The following SIM2 variants were observed in gnomAD, a reference collection of about 807,000 sequenced individuals.
SIM2 encodes SIM bHLH transcription factor 2, also known as single-minded homolog 2.
In SIM2, 28 loss-of-function variants were observed where a neutral mutation model predicts 64.8. The ratio of observed to expected loss-of-function variants is 0.43; its 90% CI spans 0.32 to 0.59. SIM2 has a LOEUF of 0.59. Ranked by LOEUF, SIM2 falls within the 20% of genes least tolerant of loss-of-function variation. SIM2 has a pLI of 0.07. For missense variants in SIM2, 847 were observed against 871.4 expected (o/e 0.97, Z 0.35); for synonymous variants, 408 against 391.1 (o/e 1.04, Z -0.51).
intron 3 of SIM2, among the ~76,000 whole-genome samples, chr21:36,719,521 C>T (rs555184943): frequency 2.0e-5 from 3 of 152,298 alleles, no homozygotes; most frequent in East Asian, 1.9e-4. Flanking sequence ...AGCAGCGCCG[C>T]CCACCTCTGG....
At chr21:36,704,458 A>G (rs1375791611) in intron 1 of SIM2, among the ~76,000 whole-genome samples, 1 of 152,250 alleles carries the variant, frequency 6.6e-6, no homozygotes, top group Non-Finnish European at 1.5e-5. Flanking sequence ...CCAGGAGGGA[A>G]AGCCCGCAGG....
At position 36,727,404 on chromosome 21, in the gene SIM2, T is replaced by C. The variant is rs575227157; in HGVS notation, c.743+1086T>C. Among the ~76,000 whole-genome samples, 7 of 152,316 alleles carry C rather than the reference T, an allele frequency of 4.6e-5. No homozygotes were observed. The East Asian group carries it at 1.4e-3, about 29-fold the overall frequency. On this transcript the variant is annotated intron_variant, in intron 6 of 10. Transcript: ENST00000290399. ...GGTTTTCAGGGTTTTGTGGTGTTTG[T>C]GGGGTACATTGTGATGCTTTGACAC...
At chr21:36,723,447 A>G (rs939997415) in intron 5 of SIM2, among the ~76,000 whole-genome samples, 13 of 152,168 alleles carry the variant, frequency 8.5e-5, no homozygotes, top group African/African-American at 2.9e-4. Context: ...ATAGAGGCCC[A>G]TCCTCCTGGG....
Position 36,699,950 on chromosome 21 carries a change from G to T in SIM2, c.175+29G>T, listed in dbSNP as rs368498315. ...AGGCCTCAGGTGGGCGGCCGGGGAC[G>T]CTGGGGAGCCCGGCGGCCCCGGCCC... On this transcript the variant is annotated intron_variant, in intron 1 of 10. Transcript: ENST00000290399. The surrounding 1 kb of genome is among the most constrained non-coding windows in gnomAD (Gnocchi z 5.6). 8.6e-5 allele frequency: 135 copies of T among 1,560,776 alleles called. No homozygotes were observed. The African/African-American group carries it at 1.5e-3, about 17-fold the overall frequency.
intron 9 of SIM2, among the ~76,000 whole-genome samples, chr21:36,744,247 T>G (rs1473958933): frequency 7.1e-6 from 1 of 140,550 alleles, no homozygotes; most frequent in Non-Finnish European, 1.5e-5. Context: ...CTGTGCCAAG[T>G]GAACTTTGGT....
intron 3 of SIM2, among the ~76,000 whole-genome samples, chr21:36,718,981 A>G (rs2088782514): frequency 6.6e-6 from 1 of 152,126 alleles, no homozygotes; most frequent in Admixed American, 6.5e-5. Flanking sequence ...TATGATGGGT[A>G]TTTTCCTGGG....
intron 6 of SIM2, among the ~76,000 whole-genome samples, chr21:36,728,577 A>G (rs1218005589): frequency 1.3e-5 from 2 of 152,234 alleles, no homozygotes; most frequent in Non-Finnish European, 2.9e-5. Context: ...TGTTCCTGCC[A>G]TATCAGGAAA....
intron 1 of SIM2, among the ~76,000 whole-genome samples, chr21:36,702,844 T>A (rs1167980643): frequency 6.9e-6 from 1 of 145,536 alleles, no homozygotes; most frequent in Admixed American, 7.1e-5. Context: ...AGGTGAAAAA[T>A]ACCATGAGGA....
intron 7 of SIM2, among the ~76,000 whole-genome samples, chr21:36,740,009 GA>G (rs1361394697): frequency 1.5e-5 from 2 of 131,232 alleles, no homozygotes; most frequent in African/African-American, 6.1e-5. Flanking sequence ...GAAAGAAAGA[GA>G]GAAAGAAAGA....
At chr21:36,709,722 A>C (rs535591611) in intron 2 of SIM2, 2 of 319,814 alleles carry the variant, frequency 6.3e-6, no homozygotes, top group African/African-American at 4.5e-5. Flanking sequence ...TAACAGGAGC[A>C]CTTGTCCAGA....
At chr21:36,709,052 C>T (rs968910928) in intron 1 of SIM2, 116 bp from the exon 2 acceptor site, 3 of 840,976 alleles carry the variant, frequency 3.6e-6, no homozygotes, top group Non-Finnish European at 3.6e-6. Flanking sequence ...GGCGGGGAGA[C>T]GCGCGGGACT....
chr21:36,719,921 T>C lies in SIM2; in HGVS notation c.449T>C (p.Leu150Pro), dbSNP rs2088800743. 6.3e-7 allele frequency: 1 copy of C among 1,598,908 alleles called. No individual in the cohort carries two copies. The highest frequency in any genetic ancestry group is 1.3e-5 in the African/African-American group (1 of 74,250). Residue 150 changes from leucine (L) to proline (P), a missense_variant, in exon 4 of 11, where the codon CTG (leucine) becomes CCG (proline). Physicochemically the swap from Leu to Pro is moderately conservative, Grantham distance 98 (BLOSUM62 -3). This residue lies in a region of SIM2 where 397 missense variants were observed against 439.2 expected (regional missense o/e 0.90). Coordinates refer to ENST00000290399, the MANE Select transcript of SIM2 (RefSeq NM_005069.6). Reference protein sequence around the residue: ...LTAHQPLHHHLLQEYEIERSF... With the variant: ...LTAHQPLHHHPLQEYEIERSF... ...GCCCACCAGCCGCTGCACCACCACC[T>C]GCTCCAAGGTATTCCATCCAGAGGG...
chr21:36,741,409 T>C (rs1350218906), intron 7 of SIM2, among the ~76,000 whole-genome samples: 1 of 152,252 alleles, frequency 6.6e-6, no homozygotes, highest in Non-Finnish European at 1.5e-5. Context: ...ATTTTTTCAT[T>C]CTGCCAGATA....
chr21:36,734,376 T>C (rs983266692), intron 7 of SIM2, among the ~76,000 whole-genome samples: 2 of 152,182 alleles, frequency 1.3e-5, no homozygotes, highest in Admixed American at 6.5e-5. Flanking sequence ...TGTTTAGAAA[T>C]TAGACGGGGC....
chr21:36,745,042 C>T lies in SIM2; in HGVS notation c.1482C>T (p.Ala494=). The part of the protein sequence containing the change: ...PASGECQWHY[A]NPLVPSSSSP... Reference sequence around the variant, plus strand: ...GCGGTGAATGCCAGTGGCATTATGCCAACCCCCTAGTGCCTAGCAGCTCGT... The same window carrying T: ...GCGGTGAATGCCAGTGGCATTATGCTAACCCCCTAGTGCCTAGCAGCTCGT... The change falls in exon 10 of 11, where the codon GCC becomes GCT. Residue 494 remains alanine (A), a synonymous_variant. Transcript: ENST00000290399. The surrounding 1 kb of genome is among the most constrained non-coding windows in gnomAD (Gnocchi z 4.8). 3 of 1,614,158 alleles carry T rather than the reference C, an allele frequency of 1.9e-6. No homozygotes were observed. Among genetic ancestry groups the T allele is most frequent in the Non-Finnish European group, 2.5e-6 (3 of 1,180,012 alleles).
chr21:36,745,917 C>T lies in SIM2; in HGVS notation c.1576+781C>T, dbSNP rs1470397754. 7.8e-7 allele frequency: 1 copy of T among 1,276,614 alleles called. No individual in the cohort carries two copies. The highest frequency in any genetic ancestry group is 1.3e-5 in the South Asian group (1 of 79,324). 79.1% of individuals were successfully genotyped at this position (1,276,614 alleles called of 1,614,324 possible). ...TGGGAACAGAGGTTTAGCTGCAGGA[C>T]ATGTATTCCCATTGCACCGAGACCT... On this transcript the variant is annotated intron_variant, in intron 10 of 10. Coordinates refer to ENST00000290399, the MANE Select transcript of SIM2 (RefSeq NM_005069.6). This position sits in a 1 kb window ranked among gnomAD's most constrained non-coding sequence, Gnocchi z 4.8.
In SIM2 at chr21:36,747,937, C is replaced by A; in HGVS notation, c.1849C>A (p.Pro617Thr). 9.7e-7 allele frequency: 1 copy of A among 1,029,448 alleles called. No individual in the cohort carries two copies. Among genetic ancestry groups the A allele is most frequent in the Non-Finnish European group, 1.2e-6 (1 of 859,084 alleles). The allele number at this position is 1,029,448 out of a possible 1,614,324, so 63.8% of individuals were successfully genotyped here. A position where few individuals can be genotyped will look rare whatever the true frequency, so the allele number is the denominator to read the frequency against. Residue 617 changes from proline (P) to threonine (T), a missense_variant, in exon 11 of 11, where the codon CCC (proline) becomes ACC (threonine). Coordinates refer to ENST00000290399, the MANE Select transcript of SIM2 (RefSeq NM_005069.6). The surrounding 1 kb of genome is among the most constrained non-coding windows in gnomAD (Gnocchi z 4.5). ...GCGCGGACCGCTGGGGGGCGCCGCA[C>A]CCGCCGCCTCCGGCCTGGCCTGCGC... Reference protein sequence around the residue: ...ARRGPLGGAAPAASGLACAPG... With the variant: ...ARRGPLGGAATAASGLACAPG...
intron 1 of SIM2, among the ~76,000 whole-genome samples, chr21:36,701,094 A>G (rs983240727): frequency 1.3e-5 from 2 of 151,888 alleles, no homozygotes. Context: ...GAAGGATTTG[A>G]CTCTTTGCTG....
chr21:36,705,094 C>G (rs1158109346), intron 1 of SIM2, among the ~76,000 whole-genome samples: 1 of 152,204 alleles, frequency 6.6e-6, no homozygotes, highest in Non-Finnish European at 1.5e-5. Context: ...CACAGGTTCC[C>G]GGCGACTGGT....
Sources: allele counts gnomAD v4.1 joint callset (sites outside exome capture counted in the v4.1 genomes callset), GRCh38; gene constraint gnomAD v4.1.1; regional missense constraint gnomAD v4.1.1; non-coding constraint Gnocchi (gnomAD v3.1); transcripts MANE v1.5; gene names NCBI Gene and HGNC (gene_info 2026-07-23, HGNC 2026-07-21).